The following DPF3 variants were observed in gnomAD, a reference collection of about 807,000 sequenced individuals.
DPF3 encodes the protein zinc finger protein DPF3.
Under a neutral mutation model 56.8 loss-of-function variants are expected in DPF3, and 18 were observed. The observed-to-expected ratio is 0.32, with a 90% confidence interval of 0.22 to 0.47. DPF3 has a LOEUF of 0.47. Among genes scored for constraint, DPF3 ranks in the 20% least tolerant of loss-of-function variants. DPF3 has a pLI of 1.00. For missense variants in DPF3, 403 were observed against 488.8 expected (o/e 0.82, Z 1.65); for synonymous variants, 188 against 180.2 (o/e 1.04, Z -0.35).
intron 6 of DPF3, among the ~76,000 whole-genome samples, chr14:72,710,580 G>C (rs1000744041): frequency 1.3e-5 from 2 of 152,202 alleles, no homozygotes; most frequent in African/African-American, 4.8e-5. Flanking sequence ...AGAAAATGCA[G>C]GCCCCTTGGC....
chr14:72,743,183 G>A (rs899833933), intron 3 of DPF3, among the ~76,000 whole-genome samples: 4 of 152,230 alleles, frequency 2.6e-5, no homozygotes, highest in African/African-American at 9.6e-5. Context: ...CTCGGAATTC[G>A]GCAAGGGTGG....
In DPF3 at chr14:72,629,717, C is replaced by G; in HGVS notation, c.891G>C (p.Gln297His). The G allele has an allele frequency of 6.5e-7, 1 of 1,536,076 alleles. No homozygotes were observed. Among genetic ancestry groups the G allele is most frequent in the South Asian group, 1.2e-5 (1 of 84,052 alleles). Residue 297 changes from glutamine (Q) to histidine (H), a missense_variant, in exon 9 of 11, where the codon CAG (glutamine) becomes CAC (histidine). Transcript: ENST00000556509. ...CGRSGHPTCL[Q>H]FTLNMTEAVK... ...CAGCCTCGGTCATGTTCAGGGTAAA[C>G]TGCAGGCAGGTTGGGTGACCTGGAG...
chr14:72,670,396 G>A (rs1720054151), intron 8 of DPF3: 1 of 986,106 alleles, frequency 1.0e-6, no homozygotes, highest in Non-Finnish European at 1.2e-6. Flanking sequence ...GCTGGTCAGG[G>A]CCCAGGTGTG....
chr14:72,757,037 G>A (rs185207627), intron 2 of DPF3, among the ~76,000 whole-genome samples: 24 of 126,646 alleles, frequency 1.9e-4, no homozygotes, highest in Non-Finnish European at 3.0e-4. Context: ...GGGAGAGAGG[G>A]AGAGAGGGAC....
intron 3 of DPF3, among the ~76,000 whole-genome samples, chr14:72,737,219 C>CCA (rs969168568): frequency 1.3e-4 from 19 of 146,586 alleles, no homozygotes; most frequent in African/African-American, 3.3e-4. Flanking sequence ...ACAAAAAAAA[C>CCA]CACACACACA....
At chr14:72,625,145 A>G (rs143680688) in intron 9 of DPF3, among the ~76,000 whole-genome samples, 436 of 152,266 alleles carry the variant, frequency 2.9e-3, no homozygotes, top group African/African-American at 9.9e-3. Flanking sequence ...TAATTTTAGC[A>G]TCAATTGACA....
chr14:72,798,895 G>A (rs1167941847), intron 1 of DPF3, among the ~76,000 whole-genome samples: 1 of 152,204 alleles, frequency 6.6e-6, no homozygotes, highest in Non-Finnish European at 1.5e-5. Flanking sequence ...GCATATCAGG[G>A]CTTACTGCCC....
intron 9 of DPF3, among the ~76,000 whole-genome samples, chr14:72,623,888 C>T (rs1213601633): frequency 6.6e-6 from 1 of 152,076 alleles, no homozygotes; most frequent in Non-Finnish European, 1.5e-5. Context: ...GATTCCAGGT[C>T]TGGAGCATAA....
At chr14:72,702,289 G>A (rs1224854251) in intron 6 of DPF3, among the ~76,000 whole-genome samples, 4 of 151,848 alleles carry the variant, frequency 2.6e-5, no homozygotes, top group Non-Finnish European at 5.9e-5. Flanking sequence ...AGAAAAACAC[G>A]TGGGGACTTG....
At chr14:72,777,217 A>G (rs977432115) in intron 1 of DPF3, among the ~76,000 whole-genome samples, 19 of 152,142 alleles carry the variant, frequency 1.2e-4, no homozygotes, top group African/African-American at 4.1e-4. Context: ...AGAGCCGCCC[A>G]CAAACACACA....
intron 3 of DPF3, among the ~76,000 whole-genome samples, chr14:72,736,531 C>T (rs114552427): frequency 0.011 from 1,629 of 152,272 alleles, 28 homozygotes; most frequent in African/African-American, 0.037. Flanking sequence ...GGTTGCAAAG[C>T]ATGATGGGTA....
At chr14:72,663,166 C>CAAAAAA (rs56335418) in intron 8 of DPF3, among the ~76,000 whole-genome samples, 5 of 88,526 alleles carry the variant, frequency 5.6e-5, no homozygotes, top group Non-Finnish European at 1.1e-4. Flanking sequence ...TGGGTGTTAG[C>CAAAAAA]AAAAAAAAAA....
chr14:72,671,201 G>A (rs375726020), intron 8 of DPF3: 41 of 1,613,816 alleles, frequency 2.5e-5, no homozygotes, highest in South Asian at 1.6e-4. Flanking sequence ...CGACAGGAGC[G>A]AGGCTCTTCC....
Position 72,714,489 on chromosome 14 carries a change from C to A in DPF3, c.538G>T (p.Ala180Ser), listed in dbSNP as rs1235112453. Reference protein sequence around the residue: ...NRTRGRARGSAGGRRRHDAAS... With the variant: ...NRTRGRARGSSGGRRRHDAAS... ...GCGTCGTGCCTCCTCCTGCCCCCTG[C>A]AGAGCCGCGAGCCTGGGGAGACATT... Residue 180 changes from alanine (A) to serine (S), a missense_variant, in exon 6 of 11, where the codon GCA (alanine) becomes TCA (serine). By Grantham distance (99) the Ala-to-Ser change is moderately conservative (BLOSUM62 1). This residue lies in a region of DPF3 where 340 missense variants were observed against 374.3 expected (regional missense o/e 0.91). Transcript: ENST00000556509. 6.2e-7 allele frequency: 1 copy of A among 1,613,774 alleles called. No individual in the cohort carries two copies. The highest frequency in any genetic ancestry group is 8.5e-7 in the Non-Finnish European group (1 of 1,179,758).
At chr14:72,637,157 C>A (rs549572488) in intron 8 of DPF3, among the ~76,000 whole-genome samples, 1 of 152,328 alleles carries the variant, frequency 6.6e-6, no homozygotes, top group African/African-American at 2.4e-5. Flanking sequence ...GCCAAGGGCT[C>A]ATGGCGCCAT....
At chr14:72,776,293 T>C (rs937148443) in intron 1 of DPF3, among the ~76,000 whole-genome samples, 1 of 152,100 alleles carries the variant, frequency 6.6e-6, no homozygotes, top group African/African-American at 2.4e-5. Context: ...CAATCAGAAA[T>C]AGGAAAGGCA....
intron 1 of DPF3, among the ~76,000 whole-genome samples, chr14:72,877,518 T>A (rs1886160889): frequency 6.6e-6 from 1 of 152,128 alleles, no homozygotes; most frequent in Non-Finnish European, 1.5e-5. Flanking sequence ...GGACTGATAG[T>A]ATTGGGTCCT....
intron 1 of DPF3, among the ~76,000 whole-genome samples, chr14:72,857,234 T>A (rs1885202548): frequency 6.6e-6 from 1 of 151,938 alleles, no homozygotes; most frequent in Admixed American, 6.6e-5. Context: ...CCACCAAATG[T>A]GAATGGCCAA....
chr14:72,890,896 G>A (rs1363118561), intron 1 of DPF3, among the ~76,000 whole-genome samples: 2 of 152,132 alleles, frequency 1.3e-5, no homozygotes, highest in Non-Finnish European at 2.9e-5. Context: ...TGTTAAAGGC[G>A]ACAACAGAGA....
Sources: gnomAD v4.1 joint callset for allele counts (sites outside exome capture counted in the v4.1 genomes callset) on GRCh38, gnomAD v4.1.1 for gene constraint, gnomAD v4.1.1 regional missense constraint, MANE v1.5 for transcripts, NCBI Gene and HGNC (gene_info 2026-07-23, HGNC 2026-07-21) for gene names.